Variants in TRPC6 observed in about 807,000 individuals in gnomAD.
The protein encoded by TRPC6 is transient receptor potential cation channel subfamily C member 6, also known as short transient receptor potential channel 6.
TRPC6 carries 55 observed loss-of-function variants against 90.7 expected under a neutral mutation model. The observed-to-expected ratio is 0.61, with a 90% CI of 0.49 to 0.76. TRPC6 has a LOEUF of 0.76. Ranked by LOEUF, TRPC6 falls within the 30% of genes least tolerant of loss-of-function variation. The pLI, the probability that TRPC6 is intolerant of heterozygous loss-of-function variation, is 0.00. For synonymous variants in TRPC6, 393 were observed against 393.0 expected, an observed-to-expected ratio of 1.00 and a Z score of 0.00; for missense variants, 989 against 1,122.7, an observed-to-expected ratio of 0.88 and a Z score of 1.70.
intron 9 of TRPC6, among the ~76,000 whole-genome samples, chr11:101,470,254 T>G (rs1417399021): frequency 6.6e-6 from 1 of 152,222 alleles, no homozygotes; most frequent in African/African-American, 2.4e-5. Context: ...CGAATTAAAA[T>G]TTAACAATTT....
At chr11:101,486,157 G>T (rs1180463532) in intron 4 of TRPC6, among the ~76,000 whole-genome samples, 2 of 152,102 alleles carry the variant, frequency 1.3e-5, no homozygotes, top group African/African-American at 4.8e-5. Context: ...AAATGGGCAT[G>T]TTTGAAACCT....
intron 1 of TRPC6, among the ~76,000 whole-genome samples, chr11:101,508,608 G>A (rs1860326791): frequency 1.3e-5 from 2 of 151,952 alleles, no homozygotes; most frequent in African/African-American, 2.4e-5. Flanking sequence ...TTATTGCTTT[G>A]CGTAGTTTCT....
intron 11 of TRPC6, among the ~76,000 whole-genome samples, chr11:101,454,398 C>T (rs1440870940): frequency 2.0e-5 from 3 of 151,796 alleles, no homozygotes; most frequent in Admixed American, 2.0e-4. Context: ...AGTACATTAA[C>T]AAGTATGTTC....
chr11:101,499,755 T>TGTGTATATATATATATACACAGTATAA lies in TRPC6; in HGVS notation c.945+4268_945+4269insTTATACTGTGTATATATATATATACAC, dbSNP rs1860056027. On this transcript the variant is annotated intron_variant, in intron 2 of 12. Coordinates refer to ENST00000344327, the MANE Select transcript of TRPC6 (RefSeq NM_004621.6). ...TGTGTATATATATATACACAATATA[T>TGTGTATATATATATATACACAGTATAA]AATGTGTATATATATATATACACAG... 6.7e-5 allele frequency among the ~76,000 whole-genome samples: 2 copies of TGTGTATATATATATATACACAGTATAA among 29,714 alleles called. 1 individual carries two copies. Among genetic ancestry groups the TGTGTATATATATATATACACAGTATAA allele is most frequent in the African/African-American group, 4.1e-4 (2 of 4,918 alleles). The allele number at this position is 29,714 out of a possible 152,430, so 19.5% of individuals were successfully genotyped here. A position where few individuals can be genotyped will look rare whatever the true frequency, so the allele number is the denominator to read the frequency against.
At chr11:101,489,757 TAAAA>T (rs1354163668) in intron 3 of TRPC6, among the ~76,000 whole-genome samples, 3 of 151,878 alleles carry the variant, frequency 2.0e-5, no homozygotes, top group Non-Finnish European at 4.4e-5. Flanking sequence ...TAAAGAATAT[TAAAA>T]AGTTACAATA....
At chr11:101,526,621 G>T (rs950978031) in intron 1 of TRPC6, among the ~76,000 whole-genome samples, 4 of 151,976 alleles carry the variant, frequency 2.6e-5, no homozygotes, top group African/African-American at 9.7e-5. Flanking sequence ...CCAGCACTTT[G>T]GGAGGCCGAG....
chr11:101,579,836 C>T (rs1345338728), intron 1 of TRPC6, among the ~76,000 whole-genome samples: 1 of 152,112 alleles, frequency 6.6e-6, no homozygotes, highest in African/African-American at 2.4e-5. Context: ...TCATCTGGCA[C>T]CAAGAGTTTA....
chr11:101,565,733 C>T (rs1228048883), intron 1 of TRPC6, among the ~76,000 whole-genome samples: 1 of 152,022 alleles, frequency 6.6e-6, no homozygotes, highest in Non-Finnish European at 1.5e-5. Flanking sequence ...TTAGAATGTA[C>T]TATTTTCTAA....
rs867099331 is a variant in TRPC6 at position 101,533,520 on chromosome 11, A to T, written c.171-28722T>A. Among the ~76,000 whole-genome samples, 10 of 152,242 alleles carry T rather than the reference A, an allele frequency of 6.6e-5. No homozygotes were observed. The Middle Eastern group carries it at 0.014, about 207-fold the overall frequency. ...TGCCAGGCCCCACCTCTAGAATTGG[A>T]GACAACAATTCAACACGAGCTTTGG... is the stretch of plus-strand genomic sequence containing the variant. On this transcript the variant is annotated intron_variant, in intron 1 of 12. Transcript: ENST00000344327.
rs1308949514 is a variant in TRPC6, at chr11:101,451,576, G to A, written c.*1379C>T. On this transcript the variant is annotated 3_prime_UTR_variant, in exon 13 of 13. Transcript: ENST00000344327. ...TACTGTCACAAAATATTTGAAAATC[G>A]ATCTTTATGTATCACCAAGTAACTT... The A allele has an allele frequency of 1.3e-5, 2 of 152,074 alleles. No individual in the cohort carries two copies. The highest frequency in any genetic ancestry group is 2.1e-4 in the South Asian group (1 of 4,826). The allele number at this position is 152,074 out of a possible 1,614,324, so 9.4% of individuals were successfully genotyped here.
intron 7 of TRPC6, among the ~76,000 whole-genome samples, 162 bp downstream of exon 7, chr11:101,473,347 A>G (rs1055010542): frequency 6.6e-6 from 1 of 152,198 alleles, no homozygotes; most frequent in African/African-American, 2.4e-5. Flanking sequence ...CCTATATTTT[A>G]GAGTCCCTCC....
intron 1 of TRPC6, among the ~76,000 whole-genome samples, chr11:101,564,022 C>A (rs1433162296): frequency 6.6e-6 from 1 of 151,766 alleles, no homozygotes; most frequent in Non-Finnish European, 1.5e-5. Flanking sequence ...CTTCTTCCTA[C>A]TCCCACCTCC....
At chr11:101,566,875 C>G (rs67536177) in intron 1 of TRPC6, among the ~76,000 whole-genome samples, 11,195 of 152,256 alleles carry the variant, frequency 0.074, 567 homozygotes, top group Non-Finnish European at 0.11. Flanking sequence ...CCTGGCAACC[C>G]GCAGACCAGG....
At chr11:101,520,117 C>T (rs1860621156) in intron 1 of TRPC6, among the ~76,000 whole-genome samples, 1 of 152,018 alleles carries the variant, frequency 6.6e-6, no homozygotes, top group Non-Finnish European at 1.5e-5. Context: ...ATTGTAATCC[C>T]CAGTGTTGAG....
intron 1 of TRPC6, among the ~76,000 whole-genome samples, chr11:101,520,959 C>T (rs1186964453): frequency 1.3e-5 from 2 of 152,098 alleles, no homozygotes; most frequent in Non-Finnish European, 2.9e-5. Context: ...TGATCTGAAA[C>T]TGGAACTTAT....
At chr11:101,561,164 G>A (rs1861703147) in intron 1 of TRPC6, among the ~76,000 whole-genome samples, 1 of 152,076 alleles carries the variant, frequency 6.6e-6, no homozygotes, top group Non-Finnish European at 1.5e-5. Context: ...TGCTGATAAA[G>A]TATCAATTCT....
chr11:101,523,526 A>G (rs1487311428), intron 1 of TRPC6, among the ~76,000 whole-genome samples: 2 of 152,244 alleles, frequency 1.3e-5, no homozygotes, highest in Non-Finnish European at 2.9e-5. Context: ...TAAATCAATA[A>G]TAGCAGAAAT....
chr11:101,492,976 A>G lies in TRPC6; in HGVS notation c.946-1238T>C, dbSNP rs145317548. Among the ~76,000 whole-genome samples the G allele has an allele frequency of 4.7e-3, 714 of 152,300 alleles. 7 individuals are homozygous for G. The highest frequency in any genetic ancestry group is 0.01 in the Middle Eastern group (3 of 294). ...TTTTGTAGTTTGTTGCTGATAATCT[A>G]ATACTCTATTGGGAAGACTTAAATC... On this transcript the variant is annotated intron_variant, in intron 2 of 12. Transcript: ENST00000344327.
chr11:101,509,631 A>G (rs7930876), intron 1 of TRPC6, among the ~76,000 whole-genome samples: 69,976 of 151,886 alleles, frequency 0.46, 16,565 homozygotes, highest in African/African-American at 0.55. Context: ...GCCACTAATC[A>G]TAATGATGTA....
Sources: allele counts gnomAD v4.1 joint callset (sites outside exome capture counted in the v4.1 genomes callset), GRCh38; gene constraint gnomAD v4.1.1; transcripts MANE v1.5; gene names NCBI Gene and HGNC (gene_info 2026-07-23, HGNC 2026-07-21).